MAP3K2: variants seen among roughly 807,000 people sequenced by gnomAD.
MAP3K2 encodes mitogen-activated protein kinase kinase kinase 2.
In MAP3K2, 24 loss-of-function variants were observed where a neutral mutation model predicts 80.3. The ratio of observed to expected loss-of-function variants is 0.30; its 90% confidence interval spans 0.22 to 0.42. MAP3K2 has a LOEUF of 0.42. MAP3K2 is among the 10% of genes least tolerant of loss of function. MAP3K2 has a pLI of 1.00. For missense variants in MAP3K2, 608 were observed against 750.1 expected, an observed-to-expected ratio of 0.81 and a Z score of 2.21; for synonymous variants, 244 against 253.7, an observed-to-expected ratio of 0.96 and a Z score of 0.36.
At chr2:127,332,905 G>A (rs79800349) in intron 5 of MAP3K2, among the ~76,000 whole-genome samples, 2 of 152,162 alleles carry the variant, frequency 1.3e-5, no homozygotes, top group Middle Eastern at 3.4e-3. Context: ...TGAGGTATGC[G>A]GGTCGCTTGA....
chr2:127,355,066 C>T (rs1393733442), intron 1 of MAP3K2, among the ~76,000 whole-genome samples: 1 of 152,004 alleles, frequency 6.6e-6, no homozygotes, highest in African/African-American at 2.4e-5. Context: ...CTAAGACAAA[C>T]TGAAAGGAGC....
At chr2:127,349,216 A>G (rs1034050019) in intron 1 of MAP3K2, among the ~76,000 whole-genome samples, 3 of 151,888 alleles carry the variant, frequency 2.0e-5, no homozygotes, top group Non-Finnish European at 4.4e-5. Context: ...GTTAGAGTGC[A>G]CTGGCATGAT....
Position 127,321,715 on chromosome 2 carries a change from G to A in MAP3K2, c.1045+331C>T, listed in dbSNP as rs115644330. 2.3e-3 allele frequency among the ~76,000 whole-genome samples: 354 copies of A among 152,128 alleles called. 1 individual carries two copies. Among genetic ancestry groups the A allele is most frequent in the African/African-American group, 7.7e-3 (321 of 41,488 alleles). On this transcript the variant is annotated intron_variant, in intron 12 of 16. Coordinates refer to ENST00000682094, the MANE Select transcript of MAP3K2 (RefSeq NM_001371910.2). The surrounding 1 kb of genome is among the most constrained non-coding windows in gnomAD (Gnocchi z 4.4). The stretch of plus-strand genomic sequence containing the variant: ...TGCTATACAATAATTATTTCTCCAT[G>A]TATCATCTATCCCATTAGATTATGT...
At chr2:127,331,318 T>C (rs1291793202) in intron 5 of MAP3K2, among the ~76,000 whole-genome samples, 3 of 152,282 alleles carry the variant, frequency 2.0e-5, no homozygotes, top group Admixed American at 6.5e-5. Context: ...TTCCATTTCA[T>C]TGAAGGAGGA....
At chr2:127,311,618 C>G (rs1685809332) in intron 15 of MAP3K2, among the ~76,000 whole-genome samples, 1 of 152,126 alleles carries the variant, frequency 6.6e-6, no homozygotes. Flanking sequence ...AATCCTGCCC[C>G]AGCCATACTG....
chr2:127,355,423 T>A (rs999861867), intron 1 of MAP3K2, among the ~76,000 whole-genome samples: 1 of 152,168 alleles, frequency 6.6e-6, no homozygotes, highest in Admixed American at 6.5e-5. Context: ...AACATCATAA[T>A]AAAGTGAATT....
At chr2:127,356,875 G>A (rs988935974) in intron 1 of MAP3K2, among the ~76,000 whole-genome samples, 2 of 152,176 alleles carry the variant, frequency 1.3e-5, no homozygotes, top group Non-Finnish European at 2.9e-5. Flanking sequence ...AAAATAGACA[G>A]ACGGGACTTA....
intron 2 of MAP3K2, among the ~76,000 whole-genome samples, chr2:127,342,388 G>GGTGTGT (rs56300936): frequency 0.2 from 29,358 of 147,686 alleles, 3,414 homozygotes; most frequent in East Asian, 0.43. Flanking sequence ...TCTTCATGAG[G>GGTGTGT]GTGTGTGTGT....
At chr2:127,338,067 G>C (rs775532831) in intron 3 of MAP3K2, among the ~76,000 whole-genome samples, 6 of 152,070 alleles carry the variant, frequency 3.9e-5, no homozygotes, top group Non-Finnish European at 8.8e-5. Flanking sequence ...GGGAAATACA[G>C]AATATTATAT....
chr2:127,366,866 GTTTTTT>G (rs367670762), intron 1 of MAP3K2, among the ~76,000 whole-genome samples: 5 of 85,124 alleles, frequency 5.9e-5, no homozygotes, highest in South Asian at 4.8e-4. Flanking sequence ...ACAGTCAAGG[GTTTTTT>G]TTTTTTTTTT....
At chr2:127,346,597 A>G (rs1047289530) in intron 1 of MAP3K2, among the ~76,000 whole-genome samples, 1 of 152,224 alleles carries the variant, frequency 6.6e-6, no homozygotes, top group South Asian at 2.1e-4. Context: ...TAAAAAACAA[A>G]TTATATACCA....
chr2:127,371,665 A>G (rs1334322348), intron 1 of MAP3K2, among the ~76,000 whole-genome samples: 1 of 152,212 alleles, frequency 6.6e-6, no homozygotes. Flanking sequence ...AAACACACAA[A>G]GCCAAAATAT....
At chr2:127,315,023 G>A (rs1685874431) in intron 14 of MAP3K2, 140 bp from the exon 15 acceptor site, 1 of 622,498 alleles carries the variant, frequency 1.6e-6, no homozygotes, top group Non-Finnish European at 2.7e-6. Context: ...TACTTATTTT[G>A]TTCTTATTCT....
At position 127,387,424 on chromosome 2, in the gene MAP3K2, GCGCGCGCGCA is replaced by G; in HGVS notation, c.-66+18_-66+27del. 1 of 467,822 alleles carries G rather than the reference GCGCGCGCGCA, an allele frequency of 2.1e-6. No homozygotes were observed. Among genetic ancestry groups the G allele is most frequent in the Non-Finnish European group, 2.4e-6 (1 of 416,046 alleles). The allele number at this position is 467,822 out of a possible 1,614,324, so 29.0% of individuals were successfully genotyped here. Reference sequence around the variant, plus strand: ...CACACACACACACACACACACACAAGCGCGCGCGCACGCACACACGCACGTACCGGCTGCT... The same window carrying G: ...CACACACACACACACACACACACAAGCGCACACACGCACGTACCGGCTGCT... On this transcript the variant is annotated intron_variant, in intron 1 of 16. Coordinates refer to ENST00000682094, the MANE Select transcript of MAP3K2 (RefSeq NM_001371910.2).
Position 127,364,659 on chromosome 2 carries a change from A to T in MAP3K2, c.-65-21465T>A, listed in dbSNP as rs528801579. On this transcript the variant is annotated intron_variant, in intron 1 of 16. Transcript: ENST00000682094. The surrounding 1 kb of genome is among the most constrained non-coding windows in gnomAD (Gnocchi z 4.1). ...CATAGAACAGCTTCCTAACTATTCC[A>T]TATTTTTACATGTGCTCTCTGCCAC... is the stretch of plus-strand genomic sequence containing the variant. Among the ~76,000 whole-genome samples the T allele has an allele frequency of 9.9e-5, 15 of 152,274 alleles. No individual in the cohort carries two copies. Among genetic ancestry groups the T allele is most frequent in the African/African-American group, 3.6e-4 (15 of 41,560 alleles).
At chr2:127,345,686 A>G (rs1440469578) in intron 1 of MAP3K2, among the ~76,000 whole-genome samples, 1 of 152,238 alleles carries the variant, frequency 6.6e-6, no homozygotes, top group East Asian at 1.9e-4. Flanking sequence ...TCTCTGACAA[A>G]AATGCAATAA....
At chr2:127,325,065 A>C (rs1049501741) in intron 9 of MAP3K2, among the ~76,000 whole-genome samples, 1 of 152,222 alleles carries the variant, frequency 6.6e-6, no homozygotes, top group African/African-American at 2.4e-5. Context: ...TCCAAAACCA[A>C]ACATATTAAT....
chr2:127,341,134 C>A lies in MAP3K2; in HGVS notation c.4+1992G>T, dbSNP rs557181337. On this transcript the variant is annotated intron_variant, in intron 2 of 16. Coordinates refer to ENST00000682094, the MANE Select transcript of MAP3K2 (RefSeq NM_001371910.2). ...CCTCCCGAGTAGCTGGGACTACAGGCACCCCCCACCACGCCTGGCTAATTT... is the reference window on the plus strand; with the variant it reads ...CCTCCCGAGTAGCTGGGACTACAGGAACCCCCCACCACGCCTGGCTAATTT... 3.2e-3 allele frequency among the ~76,000 whole-genome samples: 484 copies of A among 151,876 alleles called. 4 individuals carry two copies. Among genetic ancestry groups the A allele is most frequent in the African/African-American group, 0.011 (450 of 41,404 alleles).
rs1298475942 is a variant in MAP3K2 at position 127,304,376 on chromosome 2, T to A, written c.*3203A>T. Reference sequence around the variant, plus strand: ...CTTTTATTCAATACAACATTTTGTTTGCAATGTAAAAGATCTTATATTTGG... The same window carrying A: ...CTTTTATTCAATACAACATTTTGTTAGCAATGTAAAAGATCTTATATTTGG... On this transcript the variant is annotated 3_prime_UTR_variant, in exon 17 of 17. Transcript: ENST00000682094. 1 of 152,202 alleles carries A rather than the reference T, an allele frequency of 6.6e-6. No homozygotes were observed. Among genetic ancestry groups the A allele is most frequent in the Non-Finnish European group, 1.5e-5 (1 of 68,018 alleles). 9.4% of individuals were successfully genotyped at this position (152,202 alleles called of 1,614,324 possible).
Sources: gnomAD v4.1 joint callset for allele counts (sites outside exome capture counted in the v4.1 genomes callset) on GRCh38, gnomAD v4.1.1 for gene constraint, Gnocchi (gnomAD v3.1) non-coding constraint, MANE v1.5 for transcripts, NCBI Gene and HGNC (gene_info 2026-07-23, HGNC 2026-07-21) for gene names.